NLGN1: variants seen among roughly 807,000 people sequenced by gnomAD.
The protein encoded by NLGN1 is neuroligin 1, also known as neuroligin-1.
Under a neutral mutation model 65.5 loss-of-function variants are expected in NLGN1, and 12 were observed. The ratio of observed to expected loss-of-function variants is 0.18; its 90% CI spans 0.12 to 0.30. The LOEUF (loss-of-function observed/expected upper bound fraction) is 0.30. NLGN1 is among the 10% of genes least tolerant of loss of function. The pLI, the probability that NLGN1 is intolerant of heterozygous loss-of-function variation, is 1.00. For missense variants in NLGN1, 750 were observed against 1,007.1 expected (o/e 0.74, Z 3.46); for synonymous variants, 350 against 359.5 (o/e 0.97, Z 0.30).
At chr3:173,397,467 T>G (rs964174669), upstream of NLGN1, among the ~76,000 whole-genome samples, 1 of 152,064 alleles carries the variant, frequency 6.6e-6, no homozygotes, top group African/African-American at 2.4e-5. Context: ...CCGCGCGGCA[T>G]CTCCAGCCCC....
intron 4 of NLGN1, among the ~76,000 whole-genome samples, chr3:173,903,343 A>T (rs924756783): frequency 6.6e-6 from 1 of 152,088 alleles, no homozygotes; most frequent in African/African-American, 2.4e-5. Context: ...GATTGATGGA[A>T]GTGGAGTACT....
intron 3 of NLGN1, among the ~76,000 whole-genome samples, chr3:173,690,053 A>G (rs1765236150): frequency 6.6e-6 from 1 of 152,126 alleles, no homozygotes; most frequent in Non-Finnish European, 1.5e-5. Context: ...AGAAACTGAG[A>G]CTTAGAATTT....
At chr3:173,680,321 G>C (rs766683957) in intron 3 of NLGN1, among the ~76,000 whole-genome samples, 6 of 151,948 alleles carry the variant, frequency 3.9e-5, no homozygotes, top group Non-Finnish European at 7.4e-5. Flanking sequence ...TTGTGCAAAG[G>C]TAACAGTAAT....
At chr3:174,231,006 A>G (rs778588716) in intron 4 of NLGN1, among the ~76,000 whole-genome samples, 1 of 152,150 alleles carries the variant, frequency 6.6e-6, no homozygotes, top group African/African-American at 2.4e-5. Flanking sequence ...TTGTTTGAGG[A>G]AGGGCTGTTA....
intron 4 of NLGN1, among the ~76,000 whole-genome samples, chr3:174,165,140 A>G (rs1727264433): frequency 6.6e-6 from 1 of 151,840 alleles, no homozygotes; most frequent in Admixed American, 6.6e-5. Context: ...TTATTGGTTT[A>G]TAGAAATGCT....
chr3:173,847,924 G>C (rs981731007), intron 4 of NLGN1, among the ~76,000 whole-genome samples: 1 of 152,140 alleles, frequency 6.6e-6, no homozygotes, highest in Admixed American at 6.5e-5. Flanking sequence ...ACTATATTTT[G>C]AAATTCATCT....
chr3:173,560,913 A>G (rs551261293), intron 2 of NLGN1, among the ~76,000 whole-genome samples: 1 of 152,368 alleles, frequency 6.6e-6, no homozygotes, highest in Non-Finnish European at 1.5e-5. Flanking sequence ...GATAATAGCT[A>G]TGAAATGCTT....
intron 4 of NLGN1, among the ~76,000 whole-genome samples, chr3:173,882,163 G>T (rs533571656): frequency 6.6e-6 from 1 of 152,204 alleles, no homozygotes; most frequent in Admixed American, 6.5e-5. Flanking sequence ...CTCAACAATG[G>T]CTTTTAAATA....
intron 4 of NLGN1, among the ~76,000 whole-genome samples, chr3:174,248,169 C>A (rs768912953): frequency 1.3e-5 from 2 of 152,100 alleles, no homozygotes; most frequent in African/African-American, 2.4e-5. Flanking sequence ...GTGCTCAGAC[C>A]CCATTTTCAC....
chr3:174,138,566 C>G (rs1405913407), intron 4 of NLGN1, among the ~76,000 whole-genome samples: 2 of 151,870 alleles, frequency 1.3e-5, no homozygotes, highest in African/African-American at 4.8e-5. Context: ...TCCCAAATAG[C>G]TGGGACGACA....
At chr3:173,652,016 A>G (rs1759267092) in intron 3 of NLGN1, among the ~76,000 whole-genome samples, 2 of 151,958 alleles carry the variant, frequency 1.3e-5, no homozygotes, top group Admixed American at 1.3e-4. Context: ...CCGGTTTCAA[A>G]CTCCTGACAT....
At chr3:173,575,275 T>C (rs899751806) in intron 2 of NLGN1, among the ~76,000 whole-genome samples, 9 of 152,206 alleles carry the variant, frequency 5.9e-5, no homozygotes, top group African/African-American at 2.2e-4. Flanking sequence ...AGTTTTAGAA[T>C]TTCAGTTAAT....
At chr3:173,574,596 C>T (rs1279945522) in intron 2 of NLGN1, among the ~76,000 whole-genome samples, 2 of 152,046 alleles carry the variant, frequency 1.3e-5, no homozygotes, top group African/African-American at 4.8e-5. Flanking sequence ...AAGTCTCATT[C>T]CTATTTCCCA....
chr3:173,785,275 C>T (rs1465228852), intron 3 of NLGN1, among the ~76,000 whole-genome samples: 2 of 152,164 alleles, frequency 1.3e-5, no homozygotes, highest in Admixed American at 6.5e-5. Context: ...CTGTTTATTT[C>T]ATTATGTTCT....
At chr3:174,112,950 CAG>C (rs778631641) in intron 4 of NLGN1, among the ~76,000 whole-genome samples, 31 of 151,810 alleles carry the variant, frequency 2.0e-4, no homozygotes, top group Middle Eastern at 3.4e-3. Context: ...TATGGCTAAA[CAG>C]AAATATATGT....
chr3:173,658,781 C>T lies in NLGN1; in HGVS notation c.493+53690C>T, dbSNP rs187404188. ...ATTCCAGTGCTAGAGTACTGCTCTA[C>T]GAAGAGGCCCCAAATGATCCACTGG... On this transcript the variant is annotated intron_variant, in intron 3 of 6. Coordinates refer to ENST00000457714, the Ensembl canonical transcript of NLGN1. Among the ~76,000 whole-genome samples the T allele has an allele frequency of 3.9e-5, 6 of 152,078 alleles. No individual in the cohort carries two copies. In the East Asian group the frequency reaches 5.8e-4, roughly 15 times the overall value.
intron 4 of NLGN1, among the ~76,000 whole-genome samples, chr3:174,054,344 C>CA (rs1182453645): frequency 3.9e-5 from 6 of 151,970 alleles, no homozygotes; most frequent in African/African-American, 1.4e-4. Context: ...AATTATTTGA[C>CA]AGTAAAGACC....
intron 3 of NLGN1, among the ~76,000 whole-genome samples, chr3:173,738,793 G>C (rs1029620148): frequency 1.3e-5 from 2 of 152,000 alleles, no homozygotes; most frequent in African/African-American, 4.8e-5. Context: ...CTGGAATTTT[G>C]ATTAAAATGT....
At chr3:174,274,084 G>T (rs1161930869) in intron 4 of NLGN1, among the ~76,000 whole-genome samples, 2 of 151,440 alleles carry the variant, frequency 1.3e-5, no homozygotes, top group African/African-American at 4.8e-5. Context: ...AAGAGAGAAT[G>T]AATTTTTAAA....
Sources: allele counts gnomAD v4.1 joint callset (sites outside exome capture counted in the v4.1 genomes callset), GRCh38; gene constraint gnomAD v4.1.1; transcripts MANE v1.5; gene names NCBI Gene and HGNC (gene_info 2026-07-23, HGNC 2026-07-21).